DDAH1: variants seen among roughly 807,000 people sequenced by gnomAD.
DDAH1 encodes dimethylarginine dimethylaminohydrolase 1.
In DDAH1, 19 loss-of-function variants were observed where a neutral mutation model predicts 28.8. The observed-to-expected ratio is 0.66, with a 90% CI of 0.46 to 0.97. The LOEUF is 0.97. Ranked by LOEUF, DDAH1 falls within the 50% of genes least tolerant of loss-of-function variation. The probability of loss-of-function intolerance (pLI) is 0.00; values close to 1 mark genes in which losing one functional copy is unlikely to be tolerated. For missense variants in DDAH1, 326 were observed against 375.9 expected (o/e 0.87, Z 1.10); for synonymous variants, 153 against 154.4 (o/e 0.99, Z 0.07).
At chr1:85,556,515 C>T (rs1291491664) in intron 1 of DDAH1, among the ~76,000 whole-genome samples, 2 of 152,056 alleles carry the variant, frequency 1.3e-5, no homozygotes, top group Middle Eastern at 3.2e-3. Context: ...GAGGTAGATA[C>T]CACACTGTCA....
intron 1 of DDAH1, among the ~76,000 whole-genome samples, chr1:85,460,104 G>A (rs1170449821): frequency 1.3e-5 from 2 of 152,140 alleles, no homozygotes; most frequent in Non-Finnish European, 2.9e-5. Flanking sequence ...CTTTTGAATA[G>A]GGTTAATAAT....
chr1:85,321,999 A>G (rs233117), intron 5 of DDAH1, among the ~76,000 whole-genome samples: 145,376 of 152,258 alleles, frequency 0.95, 69,453 homozygotes, highest in East Asian at 1. Flanking sequence ...CTGCAGCCTC[A>G]ACTTCCCAGG....
At chr1:85,383,678 T>C (rs1651110160) in intron 1 of DDAH1, among the ~76,000 whole-genome samples, 1 of 152,228 alleles carries the variant, frequency 6.6e-6, no homozygotes, top group South Asian at 2.1e-4. Flanking sequence ...ACTTCACTGT[T>C]GTCTTATTTT....
At chr1:85,411,453 T>G (rs1652650354) in intron 1 of DDAH1, among the ~76,000 whole-genome samples, 1 of 152,182 alleles carries the variant, frequency 6.6e-6, no homozygotes, top group Non-Finnish European at 1.5e-5. Flanking sequence ...ATTTTGACCC[T>G]GATGAGGGGA....
At chr1:85,339,061 A>AT (rs1455495083) in intron 4 of DDAH1, among the ~76,000 whole-genome samples, 156 of 147,628 alleles carry the variant, frequency 1.1e-3, no homozygotes, top group East Asian at 7.4e-3. Context: ...AAAAAAAAAA[A>AT]AATATATATA....
At position 85,429,123 on chromosome 1, in the gene DDAH1, G is replaced by A. The variant is rs7520420; in HGVS notation, c.303+35620C>T. Among the ~76,000 whole-genome samples the A allele has an allele frequency of 9.1e-3, 1,386 of 151,982 alleles. 14 individuals carry two copies. Among genetic ancestry groups the A allele is most frequent in the African/African-American group, 0.031 (1,300 of 41,410 alleles). On this transcript the variant is annotated intron_variant, in intron 1 of 5. Transcript: ENST00000284031. The stretch of plus-strand genomic sequence containing the variant: ...GGTGGTTTGCTGCACCCAACAACCC[G>A]TCATCTACATTAGGTATTTCTCCTA...
At chr1:85,537,041 TCA>T (rs1297153071) in intron 1 of DDAH1, among the ~76,000 whole-genome samples, 3 of 148,976 alleles carry the variant, frequency 2.0e-5, no homozygotes, top group Non-Finnish European at 4.5e-5. Context: ...GGAATACTAT[TCA>T]GTCACAAGCA....
At position 85,475,829 on chromosome 1, in the gene DDAH1, T is replaced by TTTTG. The variant is rs1171062578; in HGVS notation, c.-7+20333_-7+20336dup. Reference sequence around the variant, plus strand: ...AACTCTTACCTCTGAGGTGGTTGGGTTTTGTTTGTTTGTTCGTTTGTTTTT... The same window carrying TTTTG: ...AACTCTTACCTCTGAGGTGGTTGGGTTTTGTTTGTTTGTTTGTTCGTTTGTTTTT... On this transcript the variant is annotated intron_variant, in intron 2 of 6. Transcript: ENST00000426972. Among the ~76,000 whole-genome samples, 49 of 151,908 alleles carry TTTTG rather than the reference T, an allele frequency of 3.2e-4. No homozygotes were observed. The South Asian group carries it at 3.7e-3, about 12-fold the overall frequency.
chr1:85,458,575 C>T (rs944029243), intron 1 of DDAH1, among the ~76,000 whole-genome samples: 2 of 151,910 alleles, frequency 1.3e-5, no homozygotes, highest in Non-Finnish European at 2.9e-5. Flanking sequence ...ACTACAGACA[C>T]CACACACACA....
At chr1:85,491,051 T>C (rs1319970429) in intron 2 of DDAH1, among the ~76,000 whole-genome samples, 3 of 148,340 alleles carry the variant, frequency 2.0e-5, no homozygotes, top group Non-Finnish European at 4.5e-5. Context: ...GTATTCTTTT[T>C]TTTTTTTTTT....
chr1:85,381,456 C>A (rs1459723126), intron 1 of DDAH1, among the ~76,000 whole-genome samples: 1 of 151,910 alleles, frequency 6.6e-6, no homozygotes, highest in Non-Finnish European at 1.5e-5. Flanking sequence ...GAGAAGTATA[C>A]ACGTTACCCA....
intron 2 of DDAH1, among the ~76,000 whole-genome samples, chr1:85,484,119 C>T (rs1656109495): frequency 1.3e-5 from 2 of 151,180 alleles, no homozygotes; most frequent in Admixed American, 1.3e-4. Flanking sequence ...AAGGTTGCCT[C>T]TAGGCCCAAA....
chr1:85,490,572 C>T (rs1007306592), intron 2 of DDAH1, among the ~76,000 whole-genome samples: 1 of 152,166 alleles, frequency 6.6e-6, no homozygotes, highest in Non-Finnish European at 1.5e-5. Flanking sequence ...CCCCCAAGCC[C>T]ATGCTACAGG....
At position 85,496,778 on chromosome 1, in the gene DDAH1, A is replaced by C. The variant is rs182337298; in HGVS notation, c.-122-497T>G. Reference sequence around the variant, plus strand: ...GAGTCATATGAAATTGTCTACACAAATAGCAATTTCATATAATTTAACCTA... The same window carrying C: ...GAGTCATATGAAATTGTCTACACAACTAGCAATTTCATATAATTTAACCTA... On this transcript the variant is annotated intron_variant, in intron 1 of 6. Transcript: ENST00000426972. 3.8e-3 allele frequency among the ~76,000 whole-genome samples: 578 copies of C among 152,280 alleles called. 4 individuals are homozygous for C. Among genetic ancestry groups the C allele is most frequent in the African/African-American group, 0.013 (542 of 41,562 alleles).
chr1:85,438,229 C>A (rs1351011142), intron 1 of DDAH1, among the ~76,000 whole-genome samples: 2 of 152,146 alleles, frequency 1.3e-5, no homozygotes, highest in East Asian at 3.9e-4. Context: ...TAACTTTATG[C>A]TCAGTACCTG....
intron 4 of DDAH1, among the ~76,000 whole-genome samples, chr1:85,325,354 TGCGC>T (rs10666315): frequency 3.5e-4 from 53 of 151,254 alleles, no homozygotes; most frequent in Middle Eastern, 6.9e-3. Context: ...TGCACGTGCG[TGCGC>T]GCGCGCGCGC....
intron 2 of DDAH1, among the ~76,000 whole-genome samples, chr1:85,352,636 GT>G (rs1426305870): frequency 3.3e-5 from 5 of 152,042 alleles, no homozygotes; most frequent in African/African-American, 9.7e-5. Context: ...CAATTATCTT[GT>G]TTTTATTAAT....
At chr1:85,427,034 C>T (rs72724632) in intron 1 of DDAH1, among the ~76,000 whole-genome samples, 19,402 of 151,412 alleles carry the variant, frequency 0.13, 1,326 homozygotes, top group East Asian at 0.24. Flanking sequence ...GTTCAATTTC[C>T]TTATTTTATA....
chr1:85,546,841 GA>G (rs1658643082), intron 1 of DDAH1, among the ~76,000 whole-genome samples: 1 of 152,066 alleles, frequency 6.6e-6, no homozygotes. Flanking sequence ...AATAAACAAA[GA>G]AGAAAATGTT....
Sources: allele counts gnomAD v4.1 joint callset (sites outside exome capture counted in the v4.1 genomes callset), GRCh38; gene constraint gnomAD v4.1.1; transcripts MANE v1.5; gene names NCBI Gene and HGNC (gene_info 2026-07-23, HGNC 2026-07-21).